SLC43A3: variants seen among roughly 807,000 people sequenced by gnomAD.
The protein encoded by SLC43A3 is equilibrative nucleobase transporter 1.
In SLC43A3, 33 loss-of-function variants were observed where a neutral mutation model predicts 53.3. The observed-to-expected ratio is 0.62, with a 90% CI of 0.47 to 0.83. SLC43A3 has a LOEUF of 0.83. SLC43A3 is among the 40% of genes least tolerant of loss of function. SLC43A3 has a pLI of 0.00. For synonymous variants in SLC43A3, 236 were observed against 246.2 expected, an observed-to-expected ratio of 0.96 and a Z score of 0.39; for missense variants, 530 against 610.0, an observed-to-expected ratio of 0.87 and a Z score of 1.38.
At chr11:57,417,656 C>T in intron 8 of SLC43A3, 92 bp downstream of exon 8, 1 of 1,451,228 alleles carries the variant, frequency 6.9e-7, no homozygotes, top group Non-Finnish European at 9.4e-7. Context: ...CTCCAGTCCT[C>T]CTCCTCTCCT....
intron 5 of SLC43A3, 31 bp from the exon 6 acceptor site, chr11:57,421,404 G>A: frequency 6.4e-7 from 1 of 1,562,764 alleles, no homozygotes; most frequent in Non-Finnish European, 8.8e-7. Context: ...GTAGGGTGGT[G>A]TCATAGTGCA....
At chr11:57,410,890 C>T (rs111600670) in intron 11 of SLC43A3, among the ~76,000 whole-genome samples, 4,265 of 152,258 alleles carry the variant, frequency 0.028, 82 homozygotes, top group Non-Finnish European at 0.045. Context: ...GGGGTTTCCA[C>T]TTTTGATTCT....
intron 8 of SLC43A3, among the ~76,000 whole-genome samples, chr11:57,417,230 G>A (rs1273346907): frequency 6.6e-6 from 1 of 152,208 alleles, no homozygotes; most frequent in Non-Finnish European, 1.5e-5. Flanking sequence ...CCCATGCCCT[G>A]AATCTGGGCC....
chr11:57,413,061 CAAAA>C (rs1190635755), intron 11 of SLC43A3, among the ~76,000 whole-genome samples: 5 of 76,266 alleles, frequency 6.6e-5, no homozygotes, highest in African/African-American at 1.9e-4. Context: ...TTATTCACGG[CAAAA>C]AAAAAAAAAA....
intron 11 of SLC43A3, among the ~76,000 whole-genome samples, 193 bp from the exon 12 acceptor site, chr11:57,410,314 T>G (rs906480905): frequency 6.6e-6 from 1 of 152,118 alleles, no homozygotes; most frequent in African/African-American, 2.4e-5. Context: ...ATCATTCACC[T>G]CCTACATATC....
chr11:57,418,089 C>A (rs192392162), intron 7 of SLC43A3, among the ~76,000 whole-genome samples: 17 of 152,298 alleles, frequency 1.1e-4, no homozygotes, highest in Non-Finnish European at 2.2e-4. Context: ...ACAATCCCAG[C>A]ACTTTGGGAC....
chr11:57,424,995 A>C (rs369656066), intron 4 of SLC43A3, among the ~76,000 whole-genome samples: 5 of 152,062 alleles, frequency 3.3e-5, no homozygotes, highest in Non-Finnish European at 7.4e-5. Flanking sequence ...AAACCCCCCC[A>C]GTCTCCCCTC....
rs2135066027 is a variant in SLC43A3 at position 57,424,004 on chromosome 11, G to A, written c.339C>T (p.Leu113=). Residue 113 remains leucine, a synonymous_variant, in exon 5 of 14, where the codon CTC becomes CTT. Coordinates refer to ENST00000395124, the MANE Select transcript of SLC43A3 (RefSeq NM_199329.3). ...IAIFFYTTAT[L]IIAFTSAGSA... ...CACCTGCAGAGGTGAAGGCTATGAT[G>A]AGTGTGGCGGTGGTGTAGAAAAATC... 1.9e-6 allele frequency: 3 copies of A among 1,614,190 alleles called. No individual in the cohort carries two copies. Among genetic ancestry groups the A allele is most frequent in the East Asian group, 2.2e-5 (1 of 44,882 alleles).
chr11:57,409,306 G>C lies in SLC43A3; in HGVS notation c.1248-8C>G, dbSNP rs374023369. ...AAGTGCTCTGAAGGGAAACTGGGGA[G>C]AGAAACCAGAGGGGTTCCAGTGAGC... is the stretch of plus-strand genomic sequence containing the variant. On this transcript the variant is annotated splice_region_variant and splice_polypyrimidine_tract_variant and intron_variant, in intron 12 of 13. Coordinates refer to ENST00000395124, the MANE Select transcript of SLC43A3 (RefSeq NM_199329.3). 3.7e-6 allele frequency: 6 copies of C among 1,614,000 alleles called. No homozygotes were observed. The African/African-American group carries it at 6.7e-5, about 18-fold the overall frequency.
intron 11 of SLC43A3, among the ~76,000 whole-genome samples, chr11:57,414,290 C>A (rs1433109581): frequency 6.6e-6 from 1 of 152,154 alleles, no homozygotes; most frequent in African/African-American, 2.4e-5. Flanking sequence ...GCGGGCAGAT[C>A]ACCCGAGGTC....
At chr11:57,417,637 G>A in intron 8 of SLC43A3, 111 bp downstream of exon 8, 3 of 1,227,404 alleles carry the variant, frequency 2.4e-6, no homozygotes, top group Non-Finnish European at 2.3e-6. Flanking sequence ...ATAGCTAACA[G>A]ATGCACTGCT....
intron 11 of SLC43A3, among the ~76,000 whole-genome samples, chr11:57,412,426 A>T (rs562615005): frequency 5.9e-5 from 9 of 152,376 alleles, no homozygotes; most frequent in Non-Finnish European, 1.2e-4. Context: ...TGGTAAATAA[A>T]TGTGTAAGCC....
chr11:57,409,735 C>T (rs1942365016), intron 12 of SLC43A3, among the ~76,000 whole-genome samples, 200 bp downstream of exon 12: 1 of 152,164 alleles, frequency 6.6e-6, no homozygotes, highest in East Asian at 1.9e-4. Flanking sequence ...GAGAGGGCAC[C>T]GCAGATGTAA....
chr11:57,416,707 C>T (rs749300437), intron 8 of SLC43A3, 37 bp from the exon 9 acceptor site: 3 of 1,528,306 alleles, frequency 2.0e-6, no homozygotes, highest in South Asian at 2.2e-5. Flanking sequence ...AGGCCAAGGA[C>T]TGTGAGCCGA....
At chr11:57,415,969 C>A (rs1942698834) in intron 9 of SLC43A3, among the ~76,000 whole-genome samples, 2 of 152,156 alleles carry the variant, frequency 1.3e-5, no homozygotes, top group African/African-American at 4.8e-5. Flanking sequence ...CAGTTAAAAT[C>A]TACTTGTTTA....
chr11:57,409,894 A>C, intron 12 of SLC43A3, 41 bp downstream of exon 12: 1 of 1,535,754 alleles, frequency 6.5e-7, no homozygotes, highest in Non-Finnish European at 8.8e-7. Context: ...TCTTTGCCCC[A>C]GTGTGTCCGT....
At chr11:57,418,558 T>C (rs1432741565) in intron 7 of SLC43A3, among the ~76,000 whole-genome samples, 2 of 151,900 alleles carry the variant, frequency 1.3e-5, no homozygotes, top group African/African-American at 4.8e-5. Flanking sequence ...CAGCTGGGCG[T>C]GATGGTGCAC....
chr11:57,414,760 T>A (rs773420510), intron 10 of SLC43A3, 29 bp from the exon 11 acceptor site: 1 of 1,594,808 alleles, frequency 6.3e-7, no homozygotes, highest in Non-Finnish European at 8.6e-7. Context: ...GGTTGGTTGA[T>A]GAGAAGTTTC....
chr11:57,423,431 GTTTT>G (rs976667109), intron 5 of SLC43A3, among the ~76,000 whole-genome samples: 3 of 151,986 alleles, frequency 2.0e-5, no homozygotes, highest in Non-Finnish European at 2.9e-5. Context: ...GTTTTTTAGG[GTTTT>G]TTGTTTGTTT....
Sources: allele counts gnomAD v4.1 joint callset (sites outside exome capture counted in the v4.1 genomes callset), GRCh38; gene constraint gnomAD v4.1.1; transcripts MANE v1.5; gene names NCBI Gene and HGNC (gene_info 2026-07-23, HGNC 2026-07-21).